Variants in LYPLA1 observed in about 807,000 individuals in gnomAD.
LYPLA1 encodes lysophospholipase 1.
Under a neutral mutation model 34.0 loss-of-function variants are expected in LYPLA1, and 17 were observed. The ratio of observed to expected loss-of-function variants is 0.50; its 90% CI spans 0.34 to 0.75. The LOEUF (loss-of-function observed/expected upper bound fraction) is 0.75. Ranked by LOEUF, LYPLA1 falls within the 30% of genes least tolerant of loss-of-function variation. LYPLA1 has a pLI of 0.01. For synonymous variants in LYPLA1, 98 were observed against 100.8 expected (o/e 0.97, Z 0.17); for missense variants, 203 against 288.8 (o/e 0.70, Z 2.15).
chr8:54,086,480 C>T (rs1308909326), intron 2 of LYPLA1, among the ~76,000 whole-genome samples: 3 of 135,546 alleles, frequency 2.2e-5, no homozygotes, highest in Non-Finnish European at 4.6e-5. Context: ...TTCTCCTCAT[C>T]CCCCCCGCCC....
intron 2 of LYPLA1, among the ~76,000 whole-genome samples, chr8:54,093,482 C>T (rs1809463045): frequency 1.3e-5 from 2 of 152,154 alleles, no homozygotes; most frequent in South Asian, 2.1e-4. Flanking sequence ...TTATCAGAAA[C>T]GGAACAGGCA....
chr8:54,065,372 C>G (rs1013637167), intron 3 of LYPLA1, among the ~76,000 whole-genome samples: 4 of 151,840 alleles, frequency 2.6e-5, no homozygotes, highest in African/African-American at 7.3e-5. Flanking sequence ...GCAGGAGAAT[C>G]GCTTGAACCC....
chr8:54,096,742 C>CAA (rs547737338), intron 2 of LYPLA1, among the ~76,000 whole-genome samples: 5 of 106,430 alleles, frequency 4.7e-5, no homozygotes, highest in Admixed American at 1.0e-4. Context: ...GACAAGGTCT[C>CAA]AAAAAAAAAA....
intron 2 of LYPLA1, among the ~76,000 whole-genome samples, chr8:54,087,819 A>C (rs927566159): frequency 3.9e-5 from 6 of 152,218 alleles, no homozygotes; most frequent in African/African-American, 1.2e-4. Flanking sequence ...TAATTTATTT[A>C]GTAAGGCCAT....
rs749642646 is a variant in LYPLA1 at position 54,046,920 on chromosome 8, A to G, written c.*1145T>C. On this transcript the variant is annotated 3_prime_UTR_variant, in exon 9 of 9. Coordinates refer to ENST00000316963, the MANE Select transcript of LYPLA1 (RefSeq NM_006330.4). ...AACTAATACAAAAAATAATTTGACTAAAGTGAAAATTTCAAATAAGTCCAC... is the reference window on the plus strand; with the variant it reads ...AACTAATACAAAAAATAATTTGACTGAAGTGAAAATTTCAAATAAGTCCAC... The G allele has an allele frequency of 6.0e-4, 92 of 152,318 alleles. 1 individual carries two copies. Among genetic ancestry groups the G allele is most frequent in the Non-Finnish European group, 6.8e-4 (46 of 67,988 alleles). 9.4% of individuals were successfully genotyped at this position (152,318 alleles called of 1,614,324 possible). A position where few individuals can be genotyped will look rare whatever the true frequency, so the allele number is the denominator to read the frequency against.
In LYPLA1 at chr8:54,046,735, T is replaced by C. The variant is rs1805509525; in HGVS notation, c.*1330A>G. ...TAACACAGTTGAGAAATATCAAGCA[T>C]ACATTTTTGCTACATATTAATCTGT... is the stretch of plus-strand genomic sequence containing the variant. On this transcript the variant is annotated 3_prime_UTR_variant, in exon 9 of 9. Transcript: ENST00000316963. 1 of 152,278 alleles carries C rather than the reference T, an allele frequency of 6.6e-6. No homozygotes were observed. The allele number at this position is 152,278 out of a possible 1,614,324, so 9.4% of individuals were successfully genotyped here.
At chr8:54,091,648 T>C (rs993702141) in intron 2 of LYPLA1, among the ~76,000 whole-genome samples, 1 of 151,722 alleles carries the variant, frequency 6.6e-6, no homozygotes, top group Non-Finnish European at 1.5e-5. Flanking sequence ...AACCCTTATA[T>C]GAGAAAAAGA....
At chr8:54,086,878 G>A (rs1021753221) in intron 2 of LYPLA1, among the ~76,000 whole-genome samples, 3 of 151,992 alleles carry the variant, frequency 2.0e-5, no homozygotes, top group Non-Finnish European at 4.4e-5. Context: ...TATCCCATAG[G>A]AATATAAATA....
At chr8:54,045,479 A>T (rs1212391520), downstream of LYPLA1, 1 of 152,230 alleles carries the variant, frequency 6.6e-6, no homozygotes, top group Non-Finnish European at 1.5e-5. Context: ...TATGAAATAC[A>T]GTGCTGATGT....
At chr8:54,065,913 T>A in intron 2 of LYPLA1, 100 bp from the exon 3 acceptor site, 1 of 777,216 alleles carries the variant, frequency 1.3e-6, no homozygotes, top group Non-Finnish European at 2.2e-6. Context: ...AGATAAATGT[T>A]AAATCCTAAA....
intron 2 of LYPLA1, among the ~76,000 whole-genome samples, chr8:54,066,597 A>G (rs1157382330): frequency 6.6e-6 from 1 of 151,962 alleles, no homozygotes; most frequent in Non-Finnish European, 1.5e-5. Context: ...CCTGCCCAAC[A>G]TAGTGAAACC....
intron 3 of LYPLA1, 69 bp downstream of exon 3, chr8:54,065,679 A>C (rs1335711728): frequency 1.8e-6 from 2 of 1,107,002 alleles, no homozygotes; most frequent in African/African-American, 3.1e-5. Flanking sequence ...CTTTTCTGGA[A>C]GGGTAAAGCA....
In LYPLA1 at chr8:54,069,782, T is replaced by C. The variant is rs370740187; in HGVS notation, c.102-3969A>G. Reference sequence around the variant, plus strand: ...CATTAAAAGGGTTAGTTTTATGTCATGTGAATTTTACCTCGAATTAAACAA... The same window carrying C: ...CATTAAAAGGGTTAGTTTTATGTCACGTGAATTTTACCTCGAATTAAACAA... On this transcript the variant is annotated intron_variant, in intron 2 of 8. Coordinates refer to ENST00000316963, the MANE Select transcript of LYPLA1 (RefSeq NM_006330.4). Among the ~76,000 whole-genome samples, 40 of 150,852 alleles carry C rather than the reference T, an allele frequency of 2.7e-4. No homozygotes were observed. The East Asian group carries it at 6.8e-3, about 26-fold the overall frequency.
intron 2 of LYPLA1, among the ~76,000 whole-genome samples, chr8:54,068,133 T>C (rs1329096261): frequency 2.6e-5 from 4 of 152,206 alleles, no homozygotes; most frequent in Non-Finnish European, 4.4e-5. Context: ...ATATAGGAGT[T>C]TTGTGTATAT....
At chr8:54,048,219 C>G (rs894568218) in intron 8 of LYPLA1, 101 bp from the exon 9 acceptor site, 1 of 685,314 alleles carries the variant, frequency 1.5e-6, no homozygotes, top group East Asian at 2.6e-5. Flanking sequence ...TGCATAAAGG[C>G]GAAATCACAT....
rs1005086085 is a variant in LYPLA1 at position 54,082,062 on chromosome 8, A to G, written c.102-16249T>C. Among the ~76,000 whole-genome samples, 3 of 152,190 alleles carry G rather than the reference A, an allele frequency of 2.0e-5. No homozygotes were observed. In the South Asian group the frequency reaches 6.2e-4, roughly 32 times the overall value. On this transcript the variant is annotated intron_variant, in intron 2 of 8. Transcript: ENST00000316963. ...TTTAAAAAACAAACATTCTACATGC[A>G]TGAAAGATAAAGATTGAGATACAGA...
intron 2 of LYPLA1, among the ~76,000 whole-genome samples, chr8:54,092,095 G>C (rs573059445): frequency 6.6e-6 from 1 of 151,772 alleles, no homozygotes; most frequent in East Asian, 1.9e-4. Context: ...AGGAGGAAAA[G>C]GAGAAGGAAG....
At chr8:54,060,565 C>A (rs1478263274) in intron 5 of LYPLA1, among the ~76,000 whole-genome samples, 5 of 152,102 alleles carry the variant, frequency 3.3e-5, no homozygotes, top group Non-Finnish European at 7.4e-5. Flanking sequence ...TAAAGCAGAG[C>A]TAATACTTCA....
At chr8:54,079,924 TTTTCTA>T (rs1225917805) in intron 2 of LYPLA1, among the ~76,000 whole-genome samples, 2 of 152,172 alleles carry the variant, frequency 1.3e-5, no homozygotes, top group East Asian at 3.8e-4. Flanking sequence ...TCTGTAAGCT[TTTTCTA>T]TTTCTATTTC....
Sources: allele counts gnomAD v4.1 joint callset (sites outside exome capture counted in the v4.1 genomes callset), GRCh38; gene constraint gnomAD v4.1.1; transcripts MANE v1.5; gene names NCBI Gene and HGNC (gene_info 2026-07-23, HGNC 2026-07-21).